Variants in SPMAP1 observed in about 807,000 individuals in gnomAD.
SPMAP1 encodes sperm microtubule associated protein 1.
the SPMAP1 span, chr17:38,837,087 G>C: frequency 1.6e-6 from 2 of 1,244,262 alleles, no homozygotes; most frequent in South Asian, 2.4e-5. Flanking sequence ...CCTCAACCAG[G>C]CCTTGCTATG....
chr17:38,841,422 G>T, the SPMAP1 span: 2 of 1,604,998 alleles, frequency 1.2e-6, no homozygotes, highest in Admixed American at 1.7e-5. Flanking sequence ...GGCCTTTCTG[G>T]TGGGGGATGA....
the SPMAP1 span, chr17:38,835,154 A>G: frequency 6.2e-7 from 1 of 1,606,074 alleles, no homozygotes; most frequent in Non-Finnish European, 8.5e-7. Context: ...TGTCTTAGAA[A>G]TTCAGGTCGA....
At chr17:38,841,230 A>C in the SPMAP1 span, 1 of 1,614,168 alleles carries the variant, frequency 6.2e-7, no homozygotes, top group Admixed American at 1.7e-5. Context: ...CTCTGGAAGT[A>C]GCTGCGGGCG....
chr17:38,835,263 A>T, the SPMAP1 span: 1 of 1,614,206 alleles, frequency 6.2e-7, no homozygotes, highest in South Asian at 1.1e-5. Context: ...TTCCTGCGGT[A>T]GCCAAACCTT....
At chr17:38,837,214 G>GCCAT in the SPMAP1 span, 1 of 1,613,788 alleles carries the variant, frequency 6.2e-7, no homozygotes, top group South Asian at 1.1e-5. Flanking sequence ...CTACTATCCA[G>GCCAT]CCATCCCTTC....
chr17:38,841,158 G>A, the SPMAP1 span: 2 of 1,580,386 alleles, frequency 1.3e-6, no homozygotes, highest in Non-Finnish European at 8.7e-7. Flanking sequence ...GGAGGTGTGT[G>A]GGGTCTTCCG....
chr17:38,837,763 G>T, the SPMAP1 span, among the ~76,000 whole-genome samples: 2 of 152,070 alleles, frequency 1.3e-5, no homozygotes, highest in Non-Finnish European at 2.9e-5. Context: ...GCAGCTGAAG[G>T]CTCAGTTTCT....
At chr17:38,838,431 G>A in the SPMAP1 span, among the ~76,000 whole-genome samples, 3 of 150,902 alleles carry the variant, frequency 2.0e-5, no homozygotes, top group African/African-American at 7.3e-5. Flanking sequence ...TAAACCCGGT[G>A]TCTACTAAAA....
the SPMAP1 span, chr17:38,841,225 G>C: frequency 6.2e-7 from 1 of 1,614,190 alleles, no homozygotes; most frequent in Non-Finnish European, 8.5e-7. Flanking sequence ...CGTGACTCTG[G>C]AAGTAGCTGC....
the SPMAP1 span, among the ~76,000 whole-genome samples, chr17:38,837,958 G>C: frequency 0.014 from 2,115 of 152,098 alleles, 50 homozygotes; most frequent in African/African-American, 0.049. Context: ...TTGCCATCTC[G>C]GCTCACTGCA....
At chr17:38,841,185 G>A in the SPMAP1 span, 2 of 1,613,350 alleles carry the variant, frequency 1.2e-6, no homozygotes, top group East Asian at 2.2e-5. Context: ...TCCTATACCT[G>A]ATCAGTTTTC....
the SPMAP1 span, among the ~76,000 whole-genome samples, chr17:38,840,704 G>C: frequency 6.6e-6 from 1 of 151,460 alleles, no homozygotes. Flanking sequence ...TAATCGCGAG[G>C]CTGAGGTGGG....
the SPMAP1 span, among the ~76,000 whole-genome samples, chr17:38,839,296 G>A: frequency 6.6e-6 from 1 of 150,952 alleles, no homozygotes; most frequent in South Asian, 2.1e-4. Flanking sequence ...GAACACTTGA[G>A]CTCAGGAGTT....
chr17:38,841,152 G>A, the SPMAP1 span: 1 of 1,553,510 alleles, frequency 6.4e-7, no homozygotes, highest in East Asian at 2.3e-5. Context: ...ATTTAGGGAG[G>A]TGTGTGGGGT....
the SPMAP1 span, among the ~76,000 whole-genome samples, chr17:38,840,185 C>T: frequency 1.5e-3 from 233 of 152,232 alleles, 4 homozygotes; most frequent in South Asian, 0.016. Flanking sequence ...CCAAAGAACC[C>T]GGAGAGCAAG....
the SPMAP1 span, among the ~76,000 whole-genome samples, chr17:38,837,401 G>T: frequency 6.6e-6 from 1 of 152,190 alleles, no homozygotes; most frequent in African/African-American, 2.4e-5. Context: ...ACCAGACCGG[G>T]TGCAGTGGCT....
chr17:38,840,864 C>T, the SPMAP1 span, among the ~76,000 whole-genome samples: 3 of 151,372 alleles, frequency 2.0e-5, no homozygotes, highest in Non-Finnish European at 4.4e-5. Flanking sequence ...AAAAATTAGT[C>T]TGGCGTGGTG....
chr17:38,837,190 G>C, the SPMAP1 span: 104 of 1,613,916 alleles, frequency 6.4e-5, no homozygotes, highest in Admixed American at 1.7e-3. Flanking sequence ...CTTGCCCGAA[G>C]ATGTGGATGT....
At chr17:38,839,508 G>A in the SPMAP1 span, among the ~76,000 whole-genome samples, 1 of 150,760 alleles carries the variant, frequency 6.6e-6, no homozygotes, top group African/African-American at 2.4e-5. Context: ...GAAAAATTGG[G>A]CCGGGCACGG....
Sources: allele counts gnomAD v4.1 joint callset (sites outside exome capture counted in the v4.1 genomes callset), GRCh38; gene constraint gnomAD v4.1.1; transcripts MANE v1.5; gene names NCBI Gene and HGNC (gene_info 2026-07-23, HGNC 2026-07-21).